The following VIPR1 variants were observed in gnomAD, a reference collection of about 807,000 sequenced individuals.
The protein encoded by VIPR1 is vasoactive intestinal polypeptide receptor 1.
In VIPR1, 59 loss-of-function variants were observed where a neutral mutation model predicts 58.8. The observed-to-expected ratio is 1.00, with a 90% CI of 0.81 to 1.25. The LOEUF is 1.25. VIPR1 is among the 50% of genes most tolerant of loss of function. VIPR1 has a pLI of 0.00. For synonymous variants in VIPR1, 251 were observed against 242.1 expected (o/e 1.04, Z -0.34); for missense variants, 626 against 602.7 (o/e 1.04, Z -0.40).
In VIPR1 at chr3:42,535,073, T is replaced by C. The variant is rs1701772812; in HGVS notation, c.1109T>C (p.Met370Thr). Residue 370 changes from methionine (M) to threonine (T), a missense_variant, in exon 11 of 13, where the codon ATG becomes ACG. By Grantham distance (81) the Met-to-Thr change is moderately conservative (BLOSUM62 -1). Coordinates refer to ENST00000325123, the MANE Select transcript of VIPR1 (RefSeq NM_004624.4). ...GACAATTTTAAGCCTGAAGTGAAGA[T>C]GGTCTTTGAGCTCGTCGTGGGGTCT... ...FPDNFKPEVK[M>T]VFELVVGSFQ... 1 of 1,614,234 alleles carries C rather than the reference T, an allele frequency of 6.2e-7. No individual in the cohort carries two copies. The highest frequency in any genetic ancestry group is 8.5e-7 in the Non-Finnish European group (1 of 1,180,050).
intron 3 of VIPR1, among the ~76,000 whole-genome samples, chr3:42,522,284 T>C (rs1700987859): frequency 6.6e-6 from 1 of 151,304 alleles, no homozygotes; most frequent in African/African-American, 2.4e-5. Flanking sequence ...ATTTTTTGTA[T>C]TCTTAGTAGA....
rs921853976 is a variant in VIPR1, at chr3:42,536,938, G to C, written c.*657G>C. ...TGGCCCCTGGGTCAGTCTGGTGGGA[G>C]GACGGTGCAACCCAAGGACTGAGGG... On this transcript the variant is annotated 3_prime_UTR_variant, in exon 13 of 13. Coordinates refer to ENST00000325123, the MANE Select transcript of VIPR1 (RefSeq NM_004624.4). 6.6e-6 allele frequency: 1 copy of C among 152,224 alleles called. No homozygotes were observed. Among genetic ancestry groups the C allele is most frequent in the Non-Finnish European group, 1.5e-5 (1 of 68,044 alleles). 9.4% of individuals were successfully genotyped at this position (152,224 alleles called of 1,614,324 possible).
intron 1 of VIPR1, among the ~76,000 whole-genome samples, chr3:42,494,152 A>G (rs1699716487): frequency 6.6e-6 from 1 of 152,194 alleles, no homozygotes; most frequent in Non-Finnish European, 1.5e-5. Flanking sequence ...TACTTTATTG[A>G]CGCTGCTGTT....
chr3:42,493,851 A>G (rs1487051560), intron 1 of VIPR1, among the ~76,000 whole-genome samples: 1 of 152,240 alleles, frequency 6.6e-6, no homozygotes, highest in African/African-American at 2.4e-5. Flanking sequence ...CTTCTCAGCC[A>G]ATGGGAGCCC....
At chr3:42,502,531 C>T, upstream of VIPR1, 1 of 369,638 alleles carries the variant, frequency 2.7e-6, no homozygotes, top group South Asian at 1.4e-4. Context: ...TGCGCGGCGG[C>T]CCCGCCTCCA....
chr3:42,500,645 A>C (rs1407010526), upstream of VIPR1, among the ~76,000 whole-genome samples: 1 of 152,106 alleles, frequency 6.6e-6, no homozygotes, highest in Non-Finnish European at 1.5e-5. Flanking sequence ...AAAAAGACAC[A>C]ATTCCACTGT....
At chr3:42,531,413 C>T in intron 7 of VIPR1, 58 bp from the exon 8 acceptor site, 2 of 1,529,200 alleles carry the variant, frequency 1.3e-6, no homozygotes, top group Non-Finnish European at 1.8e-6. Flanking sequence ...CTCCCTCATG[C>T]CCTCTACCCC....
intron 8 of VIPR1, 114 bp downstream of exon 8, chr3:42,531,645 C>A: frequency 6.4e-7 from 1 of 1,561,672 alleles, no homozygotes. Flanking sequence ...GCTCTCGGGC[C>A]AGAGGGGAGG....
Position 42,536,543 on chromosome 3 carries a change from C to G in VIPR1, c.*262C>G. Reference sequence around the variant, plus strand: ...GGAACTCAGTCATTAGACTCCTCCTCCAAAGGCCCCCTACGCCAATCAAGG... The same window carrying G: ...GGAACTCAGTCATTAGACTCCTCCTGCAAAGGCCCCCTACGCCAATCAAGG... On this transcript the variant is annotated 3_prime_UTR_variant, in exon 13 of 13. Transcript: ENST00000325123. The G allele has an allele frequency of 2.4e-6, 1 of 410,052 alleles. No homozygotes were observed. The highest frequency in any genetic ancestry group is 6.3e-5 in the South Asian group (1 of 15,764). The allele number at this position is 410,052 out of a possible 1,614,324, so 25.4% of individuals were successfully genotyped here.
At chr3:42,521,941 T>C (rs1700943518) in intron 3 of VIPR1, among the ~76,000 whole-genome samples, 1 of 150,724 alleles carries the variant, frequency 6.6e-6, no homozygotes. Context: ...AGAGACAGGG[T>C]TTCACTGTAT....
At chr3:42,525,852 C>T (rs764845508) in intron 3 of VIPR1, 35 bp from the exon 4 acceptor site, 72 of 1,568,692 alleles carry the variant, frequency 4.6e-5, no homozygotes, top group Non-Finnish European at 5.8e-5. Flanking sequence ...TGCTCCCGGC[C>T]TCAGCCTTTG....
At chr3:42,514,554 C>T (rs1019233188) in intron 2 of VIPR1, among the ~76,000 whole-genome samples, 1 of 151,610 alleles carries the variant, frequency 6.6e-6, no homozygotes, top group Non-Finnish European at 1.5e-5. Context: ...CACACACACA[C>T]ACACACACAC....
intron 1 of VIPR1, chr3:42,511,933 A>G (rs963495373): frequency 2.6e-5 from 4 of 152,238 alleles, no homozygotes; most frequent in Non-Finnish European, 4.4e-5. Flanking sequence ...GAGAAAGCAC[A>G]TGACCCCAAA....
intron 1 of VIPR1, among the ~76,000 whole-genome samples, chr3:42,505,691 T>C (rs930149422): frequency 1.3e-5 from 2 of 152,156 alleles, no homozygotes; most frequent in Non-Finnish European, 2.9e-5. Flanking sequence ...TTCTCTGAGG[T>C]TTGTGGGACA....
chr3:42,496,129 C>T (rs1280008185), intron 1 of VIPR1, among the ~76,000 whole-genome samples: 1 of 151,994 alleles, frequency 6.6e-6, no homozygotes, highest in African/African-American at 2.4e-5. Flanking sequence ...CCCAGCTACT[C>T]GGGAGGCTGA....
chr3:42,510,256 A>G (rs1333989909), intron 1 of VIPR1, among the ~76,000 whole-genome samples: 1 of 152,108 alleles, frequency 6.6e-6, no homozygotes, highest in Non-Finnish European at 1.5e-5. Context: ...TCTAACTTGC[A>G]CATCCTCCAT....
Position 42,502,678 on chromosome 3 carries a change from C to CGCCGCCCGCCAGCTCTTTGCCCGCGCGGG in VIPR1, c.-47_-19dup, listed in dbSNP as rs2125628639. On this transcript the variant is annotated 5_prime_UTR_variant, in exon 1 of 13. Coordinates refer to ENST00000325123, the MANE Select transcript of VIPR1 (RefSeq NM_004624.4). ...GCTCCCGGCCATCGCCCGCCTGGTGCGCCGCCCGCCAGCTCTTTGCCCGCG... is the reference window on the plus strand; with the variant it reads ...GCTCCCGGCCATCGCCCGCCTGGTGCGCCGCCCGCCAGCTCTTTGCCCGCGCGGGGCCGCCCGCCAGCTCTTTGCCCGCG... The CGCCGCCCGCCAGCTCTTTGCCCGCGCGGG allele has an allele frequency of 2.4e-6, 3 of 1,226,270 alleles. No individual in the cohort carries two copies. Among genetic ancestry groups the CGCCGCCCGCCAGCTCTTTGCCCGCGCGGG allele is most frequent in the Non-Finnish European group, 3.1e-6 (3 of 977,062 alleles). The allele number at this position is 1,226,270 out of a possible 1,614,324, so 76.0% of individuals were successfully genotyped here.
chr3:42,530,712 A>T, intron 6 of VIPR1, 67 bp from the exon 7 acceptor site: 4 of 1,556,694 alleles, frequency 2.6e-6, no homozygotes, highest in Non-Finnish European at 3.5e-6. Flanking sequence ...CCCCCCAGAC[A>T]CGAGTGTGGG....
At chr3:42,530,417 A>C (rs914676115) in intron 6 of VIPR1, 1 of 225,696 alleles carries the variant, frequency 4.4e-6, no homozygotes, top group Non-Finnish European at 9.0e-6. Flanking sequence ...CACATGGATA[A>C]AAAATGGATA....
Sources: allele counts gnomAD v4.1 joint callset (sites outside exome capture counted in the v4.1 genomes callset), GRCh38; gene constraint gnomAD v4.1.1; transcripts MANE v1.5; gene names NCBI Gene and HGNC (gene_info 2026-07-23, HGNC 2026-07-21).